Variants in SYNCRIP observed in about 807,000 individuals in gnomAD.
SYNCRIP encodes the protein synaptotagmin binding cytoplasmic RNA interacting protein.
In SYNCRIP, 9 loss-of-function variants were observed where a neutral mutation model predicts 68.9. The observed-to-expected ratio is 0.13, with a 90% CI of 0.08 to 0.23. The LOEUF (loss-of-function observed/expected upper bound fraction) is 0.23, where lower values mean the gene tolerates loss of function less well. Among genes scored for constraint, SYNCRIP ranks in the 10% least tolerant of loss-of-function variants. The pLI, the probability that SYNCRIP is intolerant of heterozygous loss-of-function variation, is 1.00. For synonymous variants in SYNCRIP, 258 were observed against 254.0 expected (o/e 1.02, Z -0.15); for missense variants, 414 against 770.6 (o/e 0.54, Z 5.48).
intron 8 of SYNCRIP, 42 bp downstream of exon 8, chr6:85,622,440 C>CA (rs1210667750): frequency 6.3e-7 from 1 of 1,585,720 alleles, no homozygotes; most frequent in East Asian, 2.2e-5. Context: ...GCCCTTCTCC[C>CA]ATTAATCCCT....
At chr6:85,636,352 AG>A (rs1362192498) in intron 6 of SYNCRIP, among the ~76,000 whole-genome samples, 2 of 152,104 alleles carry the variant, frequency 1.3e-5, no homozygotes, top group Admixed American at 1.3e-4. Flanking sequence ...AGGCTGAGGC[AG>A]GAGAATCACT....
chr6:85,618,979 C>T, intron 9 of SYNCRIP, 40 bp from the exon 10 acceptor site: 1 of 1,561,728 alleles, frequency 6.4e-7, no homozygotes, highest in East Asian at 2.3e-5. Context: ...ATAGGACTTT[C>T]ATACAATTAT....
chr6:85,610,541 CA>C (rs1006609981), downstream of SYNCRIP: 1 of 151,992 alleles, frequency 6.6e-6, no homozygotes. Flanking sequence ...TGTGAACTCA[CA>C]AAAGTGTTCC....
chr6:85,623,579 A>AAAAAAAAAC (rs1554184894), intron 7 of SYNCRIP, among the ~76,000 whole-genome samples: 1 of 125,756 alleles, frequency 8.0e-6, no homozygotes, highest in Non-Finnish European at 1.8e-5. Flanking sequence ...AAAAAAAAAA[A>AAAAAAAAAC]AAAACACTCT....
chr6:85,637,972 G>A (rs184565871), intron 4 of SYNCRIP, among the ~76,000 whole-genome samples: 2 of 152,230 alleles, frequency 1.3e-5, no homozygotes, highest in Non-Finnish European at 1.5e-5. Context: ...AAACTGCAAC[G>A]TTACATAACC....
downstream of SYNCRIP, chr6:85,613,901 A>G: frequency 1.1e-6 from 1 of 909,352 alleles, no homozygotes; most frequent in Non-Finnish European, 1.3e-6. Context: ...AAACCCTTTG[A>G]GACTACCTGA....
Position 85,635,146 on chromosome 6 carries a change from CAG to C in SYNCRIP, c.666+1819_666+1820del, listed in dbSNP as rs1326422071. ...TGCCCACACACTCCAGCGTGGGTGA[CAG>C]AGACTTTGTCTCAAAAAACAAATCA... is the stretch of plus-strand genomic sequence containing the variant. On this transcript the variant is annotated intron_variant, in intron 6 of 10. Transcript: ENST00000369622. 2.0e-5 allele frequency among the ~76,000 whole-genome samples: 3 copies of C among 152,040 alleles called. No individual in the cohort carries two copies. The East Asian group carries it at 5.8e-4, about 29-fold the overall frequency.
intron 4 of SYNCRIP, 49 bp downstream of exon 4, chr6:85,640,172 G>T: frequency 2.3e-6 from 3 of 1,303,536 alleles, no homozygotes; most frequent in Admixed American, 3.7e-5. Flanking sequence ...CCAAAATTAG[G>T]AAACAGTTAA....
At chr6:85,618,734 A>C in intron 10 of SYNCRIP, 84 bp downstream of exon 10, 3 of 1,197,166 alleles carry the variant, frequency 2.5e-6, no homozygotes, top group Non-Finnish European at 3.5e-6. Context: ...TGCATTTAAC[A>C]AGTCTGATCA....
intron 5 of SYNCRIP, 48 bp downstream of exon 5, chr6:85,637,195 G>C (rs780192645): frequency 3.1e-6 from 5 of 1,607,114 alleles, no homozygotes; most frequent in African/African-American, 1.3e-5. Flanking sequence ...TAGGAAACCA[G>C]ATACCTGTGC....
rs1000111392 is a variant in SYNCRIP at position 85,634,652 on chromosome 6, C to T, written c.666+2315G>A. 3.3e-5 allele frequency among the ~76,000 whole-genome samples: 5 copies of T among 152,178 alleles called. No homozygotes were observed. The South Asian group carries it at 8.3e-4, about 25-fold the overall frequency. ...CTAGCTGAAACTGTGAATGCAGGAC[C>T]CACAGTAGAGAGAGCCCACTGTATT... On this transcript the variant is annotated intron_variant, in intron 6 of 10. Transcript: ENST00000369622.
chr6:85,609,008 G>A (rs1583227570), downstream of SYNCRIP: 1 of 151,006 alleles, frequency 6.6e-6, no homozygotes, highest in East Asian at 1.9e-4. Context: ...TCATCACTGA[G>A]TAATTAATAC....
At chr6:85,635,587 T>A (rs1373575291) in intron 6 of SYNCRIP, among the ~76,000 whole-genome samples, 1 of 151,906 alleles carries the variant, frequency 6.6e-6, no homozygotes, top group African/African-American at 2.4e-5. Context: ...CTGGCCAACA[T>A]GGTGAAACCC....
At position 85,614,541 on chromosome 6, in the gene SYNCRIP, T is replaced by C; in HGVS notation, c.*215A>G. On this transcript the variant is annotated 3_prime_UTR_variant, in exon 11 of 11. Transcript: ENST00000369622. ...AACTCATTAACTATTTCTTTCAGTA[T>C]CTAAGAATATCTTTATTGAAAAAAA... 7.9e-7 allele frequency: 1 copy of C among 1,270,144 alleles called. No individual in the cohort carries two copies. The highest frequency in any genetic ancestry group is 9.9e-7 in the Non-Finnish European group (1 of 1,009,960). 78.7% of individuals were successfully genotyped at this position (1,270,144 alleles called of 1,614,324 possible).
At chr6:85,626,475 T>G (rs559996027) in intron 6 of SYNCRIP, among the ~76,000 whole-genome samples, 1 of 152,130 alleles carries the variant, frequency 6.6e-6, no homozygotes, top group Non-Finnish European at 1.5e-5. Flanking sequence ...GGGGGGGAAC[T>G]GGTATTTTCC....
At chr6:85,628,596 G>C (rs1262181550) in intron 6 of SYNCRIP, among the ~76,000 whole-genome samples, 7 of 152,126 alleles carry the variant, frequency 4.6e-5, no homozygotes, top group Non-Finnish European at 8.8e-5. Context: ...TGTAAACGCA[G>C]ACTGAAACAG....
intron 6 of SYNCRIP, among the ~76,000 whole-genome samples, chr6:85,630,671 A>T (rs1297210663): frequency 6.6e-6 from 1 of 152,216 alleles, no homozygotes; most frequent in Non-Finnish European, 1.5e-5. Context: ...TAAGTAGCAC[A>T]GAATTGTAAA....
chr6:85,619,511 A>G, intron 8 of SYNCRIP, 94 bp from the exon 9 acceptor site: 2 of 1,134,408 alleles, frequency 1.8e-6, no homozygotes, highest in Non-Finnish European at 2.5e-6. Context: ...TCAAATCACA[A>G]TCCATTAGAA....
intron 10 of SYNCRIP, among the ~76,000 whole-genome samples, chr6:85,616,829 C>T (rs1805830566): frequency 6.6e-6 from 1 of 152,104 alleles, no homozygotes; most frequent in South Asian, 2.1e-4. Flanking sequence ...TTTGCCACCA[C>T]CTCTTTCCAG....
Sources: allele counts gnomAD v4.1 joint callset (sites outside exome capture counted in the v4.1 genomes callset), GRCh38; gene constraint gnomAD v4.1.1; transcripts MANE v1.5; gene names NCBI Gene and HGNC (gene_info 2026-07-23, HGNC 2026-07-21).